The following GALNT13 variants were observed in gnomAD, a reference collection of about 807,000 sequenced individuals.
The protein encoded by GALNT13 is UDP-GalNAc:polypeptide N-acetylgalactosaminyltransferase 13.
A neutral mutation model predicts 64.2 loss-of-function variants in GALNT13; 28 were observed. That is an observed-to-expected ratio of 0.44 (90% CI 0.32 to 0.60). The LOEUF is 0.60. GALNT13 is among the 20% of genes least tolerant of loss of function. GALNT13 has a pLI of 0.05. For missense variants in GALNT13, 577 were observed against 669.8 expected, an observed-to-expected ratio of 0.86 and a Z score of 1.53; for synonymous variants, 214 against 224.6, an observed-to-expected ratio of 0.95 and a Z score of 0.42.
chr2:154,072,998 T>C (rs1700811282), intron 3 of GALNT13, among the ~76,000 whole-genome samples: 1 of 152,046 alleles, frequency 6.6e-6, no homozygotes, highest in Non-Finnish European at 1.5e-5. Context: ...TCTGAAGGTC[T>C]AATAGGTCAA....
At chr2:154,433,889 T>C (rs941531487) in intron 11 of GALNT13, among the ~76,000 whole-genome samples, 3 of 152,190 alleles carry the variant, frequency 2.0e-5, no homozygotes, top group Admixed American at 6.5e-5. Context: ...TATGTTGAAG[T>C]CTTAACCCCC....
the GALNT13 span, among the ~76,000 whole-genome samples, chr2:153,638,444 T>C: frequency 2.3e-5 from 2 of 85,738 alleles, 1 homozygote; most frequent in Admixed American, 2.8e-4. Flanking sequence ...GTAATAGAAA[T>C]AGTAAAAAAG....
the GALNT13 span, among the ~76,000 whole-genome samples, chr2:153,560,596 C>T: frequency 6.6e-6 from 1 of 151,994 alleles, no homozygotes; most frequent in Admixed American, 6.6e-5. Flanking sequence ...ATTTATTTCT[C>T]CACTGATTTG....
intron 4 of GALNT13, among the ~76,000 whole-genome samples, chr2:154,235,524 A>T (rs1193573670): frequency 1.3e-5 from 2 of 152,204 alleles, no homozygotes; most frequent in Non-Finnish European, 2.9e-5. Context: ...ATTGGGAAAC[A>T]TAGAAACCAC....
At chr2:154,103,575 G>T (rs927468937) in intron 3 of GALNT13, among the ~76,000 whole-genome samples, 1 of 152,046 alleles carries the variant, frequency 6.6e-6, no homozygotes, top group African/African-American at 2.4e-5. Context: ...GGAGTTCTTG[G>T]GCTGACTCTA....
chr2:153,665,990 C>T, the GALNT13 span, among the ~76,000 whole-genome samples: 1 of 152,054 alleles, frequency 6.6e-6, no homozygotes, highest in Non-Finnish European at 1.5e-5. Context: ...TGTTTACTGT[C>T]AGATACAGAC....
At chr2:154,061,535 A>G (rs1326989693) in intron 3 of GALNT13, among the ~76,000 whole-genome samples, 1 of 152,106 alleles carries the variant, frequency 6.6e-6, no homozygotes, top group African/African-American at 2.4e-5. Context: ...AATGCTCAAC[A>G]TCAGTCCTTT....
At chr2:153,109,104 C>G in the GALNT13 span, among the ~76,000 whole-genome samples, 1 of 152,142 alleles carries the variant, frequency 6.6e-6, no homozygotes, top group African/African-American at 2.4e-5. Flanking sequence ...AGAACTACTT[C>G]TTAATACATC....
At chr2:153,375,505 G>A in the GALNT13 span, among the ~76,000 whole-genome samples, 2 of 152,216 alleles carry the variant, frequency 1.3e-5, no homozygotes, top group African/African-American at 4.8e-5. Context: ...TTTTATCAAA[G>A]TTGTTATTGT....
chr2:153,384,473 A>G, the GALNT13 span, among the ~76,000 whole-genome samples: 3 of 151,996 alleles, frequency 2.0e-5, no homozygotes, highest in Non-Finnish European at 4.4e-5. Context: ...GGACAGCAGG[A>G]GACTGTGGAC....
At chr2:154,349,127 G>A (rs1353021675) in intron 9 of GALNT13, among the ~76,000 whole-genome samples, 1 of 152,246 alleles carries the variant, frequency 6.6e-6, no homozygotes, top group African/African-American at 2.4e-5. Flanking sequence ...CTCCACAAAT[G>A]TCCACATGAG....
chr2:153,217,855 C>T, the GALNT13 span, among the ~76,000 whole-genome samples: 1 of 152,042 alleles, frequency 6.6e-6, no homozygotes, highest in South Asian at 2.1e-4. Flanking sequence ...CTTGATTTTT[C>T]ATATGCCTCA....
chr2:153,925,440 G>A lies in GALNT13; in HGVS notation c.-104-18954G>A, dbSNP rs11886481. Among the ~76,000 whole-genome samples the A allele has an allele frequency of 3.9e-3, 575 of 146,210 alleles. 8 individuals are homozygous for A. The highest frequency in any genetic ancestry group is 0.014 in the African/African-American group (552 of 40,086). Reference sequence around the variant, plus strand: ...TCTGTTCTTGTACCTGTACCATGCTGTTTTGGTTACTTTAGCTGTATAGTA... The same window carrying A: ...TCTGTTCTTGTACCTGTACCATGCTATTTTGGTTACTTTAGCTGTATAGTA... On this transcript the variant is annotated intron_variant, in intron 2 of 12. Coordinates refer to ENST00000392825, the MANE Select transcript of GALNT13 (RefSeq NM_052917.4).
intron 3 of GALNT13, among the ~76,000 whole-genome samples, chr2:153,995,311 AT>A (rs1695448458): frequency 6.6e-6 from 1 of 152,128 alleles, no homozygotes; most frequent in South Asian, 2.1e-4. Context: ...GTTCATTTTA[AT>A]TAAAACATTT....
the GALNT13 span, among the ~76,000 whole-genome samples, chr2:153,121,245 T>G: frequency 6.6e-6 from 1 of 152,210 alleles, no homozygotes; most frequent in South Asian, 2.1e-4. Context: ...AACCAATTAA[T>G]TTACAAATAA....
At chr2:154,200,068 T>TGG (rs1687091215) in intron 4 of GALNT13, among the ~76,000 whole-genome samples, 2 of 151,962 alleles carry the variant, frequency 1.3e-5, no homozygotes, top group South Asian at 4.1e-4. Flanking sequence ...TTGTGAGGGA[T>TGG]GGGGGGATTA....
chr2:153,435,663 T>C, the GALNT13 span, among the ~76,000 whole-genome samples: 1 of 152,128 alleles, frequency 6.6e-6, no homozygotes, highest in African/African-American at 2.4e-5. Flanking sequence ...TGCTTGTGAT[T>C]TTTGCACATT....
At chr2:153,473,968 C>G in the GALNT13 span, among the ~76,000 whole-genome samples, 12 of 152,130 alleles carry the variant, frequency 7.9e-5, no homozygotes, top group African/African-American at 2.9e-4. Flanking sequence ...CCTTTGAGAA[C>G]GCAGAGACCT....
At chr2:153,662,978 A>G in the GALNT13 span, among the ~76,000 whole-genome samples, 1 of 152,196 alleles carries the variant, frequency 6.6e-6, no homozygotes, top group East Asian at 1.9e-4. Context: ...AGCCTTTTCA[A>G]GGTGCTCCCC....
Sources: allele counts gnomAD v4.1 joint callset (sites outside exome capture counted in the v4.1 genomes callset), GRCh38; gene constraint gnomAD v4.1.1; transcripts MANE v1.5; gene names NCBI Gene and HGNC (gene_info 2026-07-23, HGNC 2026-07-21).